MAP1LC3C: variants seen among roughly 807,000 people sequenced by gnomAD.
MAP1LC3C encodes microtubule associated protein 1 light chain 3 gamma, also known as microtubule-associated protein 1 light chain 3 gamma.
In MAP1LC3C, 12 loss-of-function variants were observed where a neutral mutation model predicts 10.4. That is an observed-to-expected ratio of 1.15 (90% CI 0.74 to 1.86). The LOEUF (loss-of-function observed/expected upper bound fraction) is 1.86, where lower values mean the gene tolerates loss of function less well. MAP1LC3C is among the 40% of genes most tolerant of loss of function. The probability of loss-of-function intolerance (pLI) is 0.00; values close to 1 mark genes in which losing one functional copy is unlikely to be tolerated. For missense variants in MAP1LC3C, 177 were observed against 185.7 expected (o/e 0.95, Z 0.27); for synonymous variants, 70 against 69.0 (o/e 1.01, Z -0.07).
rs777238205 is a variant in MAP1LC3C, at chr1:241,999,033, TA to T, written c.-26del. ...TTGCACTCAGTAGCTGTGTCTGTTT[TA>T]AAAAAGAAAAAAAAACTGTCCCGCA... On this transcript the variant is annotated 5_prime_UTR_variant, in exon 1 of 4. Coordinates refer to ENST00000357246, the MANE Select transcript of MAP1LC3C (RefSeq NM_001004343.3). The T allele has an allele frequency of 6.3e-7, 1 of 1,583,356 alleles. No homozygotes were observed. The highest frequency in any genetic ancestry group is 8.5e-7 in the Non-Finnish European group (1 of 1,172,210).
upstream of MAP1LC3C, among the ~76,000 whole-genome samples, chr1:242,000,605 A>G (rs1170710174): frequency 3.3e-5 from 5 of 152,128 alleles, no homozygotes; most frequent in Non-Finnish European, 1.5e-5. Context: ...GGTTTCATTA[A>G]TTGGCTAGAA....
intron 3 of MAP1LC3C, among the ~76,000 whole-genome samples, chr1:241,997,187 C>G (rs1437893155): frequency 6.6e-6 from 1 of 152,076 alleles, no homozygotes; most frequent in Non-Finnish European, 1.5e-5. Context: ...GTGTGAGCCA[C>G]TGCGCCTGGC....
At position 241,996,472 on chromosome 1, in the gene MAP1LC3C, G is replaced by C. The variant is rs192809835; in HGVS notation, c.222-87C>G. 7 of 1,093,092 alleles carry C rather than the reference G, an allele frequency of 6.4e-6. No individual in the cohort carries two copies. In the East Asian group the frequency reaches 1.7e-4, roughly 27 times the overall value. The allele number at this position is 1,093,092 out of a possible 1,614,324, so 67.7% of individuals were successfully genotyped here. ...TCATGACACTCAAGAAGACTGAATT[G>C]CTCCCTTCTTCTTCCCTGAGATTTA... On this transcript the variant is annotated intron_variant, in intron 3 of 3. Coordinates refer to ENST00000357246, the MANE Select transcript of MAP1LC3C (RefSeq NM_001004343.3).
Position 241,995,942 on chromosome 1 carries a change from A to G in MAP1LC3C, c.*221T>C, listed in dbSNP as rs1665075092. 1 of 450,214 alleles carries G rather than the reference A, an allele frequency of 2.2e-6. No individual in the cohort carries two copies. The highest frequency in any genetic ancestry group is 4.0e-6 in the Non-Finnish European group (1 of 252,340). The allele number at this position is 450,214 out of a possible 1,614,324, so 27.9% of individuals were successfully genotyped here. ...TCAAAAAAAAAAAAATGATAATTAT[A>G]TAACTTTCAAGAGCAGCCCACATTT... On this transcript the variant is annotated 3_prime_UTR_variant, in exon 4 of 4. Coordinates refer to ENST00000357246, the MANE Select transcript of MAP1LC3C (RefSeq NM_001004343.3).
intron 3 of MAP1LC3C, among the ~76,000 whole-genome samples, chr1:241,998,176 C>A (rs1294372303): frequency 6.6e-6 from 1 of 151,950 alleles, no homozygotes; most frequent in Admixed American, 6.6e-5. Context: ...GCACCCGCCA[C>A]CACGCCTAGC....
chr1:241,998,538 A>G lies in MAP1LC3C; in HGVS notation c.197T>C (p.Met66Thr). ...CCGGATGATGCTGAGGAACTGGGTC[A>G]TGGTCAGCTCCTGCGGGACCAGGAA... ...TKFLVPQELT[M>T]TQFLSIIRSR... Residue 66 changes from methionine (M) to threonine (T), a missense_variant, in exon 3 of 4, where the codon ATG (methionine) becomes ACG (threonine). Transcript: ENST00000357246. The G allele has an allele frequency of 6.2e-7, 1 of 1,614,052 alleles. No homozygotes were observed. The highest frequency in any genetic ancestry group is 8.5e-7 in the Non-Finnish European group (1 of 1,179,996).
rs977768782 is a variant in MAP1LC3C at position 241,998,603 on chromosome 1, G to T, written c.132C>A (p.Tyr44Ter). 2.5e-6 allele frequency: 4 copies of T among 1,611,698 alleles called. No homozygotes were observed. In the Middle Eastern group the frequency reaches 5.0e-4, roughly 200 times the overall value. ...PNKIPVVVER[Y>*]PRETFLPPLD... ...GCGGGGGCAGGAACGTCTCCCTGGG[G>T]TAGCGCTCCACTACCACCTGTCAAG... The change falls in exon 3 of 4, where the codon TAC becomes TAA. Residue 44 changes from tyrosine to a stop codon, truncating the protein, a stop_gained. Transcript: ENST00000357246. LOFTEE classifies it high-confidence loss of function.
Position 241,999,097 on chromosome 1 carries a change from C to G in MAP1LC3C, c.-89G>C. ...ACTCATTCCTCCAGCTGCTTCCAAACTGCCTGCAGGAGCCTGAAGGAGGCC... is the reference window on the plus strand; with the variant it reads ...ACTCATTCCTCCAGCTGCTTCCAAAGTGCCTGCAGGAGCCTGAAGGAGGCC... On this transcript the variant is annotated 5_prime_UTR_variant, in exon 1 of 4. Coordinates refer to ENST00000357246, the MANE Select transcript of MAP1LC3C (RefSeq NM_001004343.3). The G allele has an allele frequency of 6.6e-7, 1 of 1,516,626 alleles. No homozygotes were observed. The highest frequency in any genetic ancestry group is 8.7e-7 in the Non-Finnish European group (1 of 1,144,582). The allele number at this position is 1,516,626 out of a possible 1,614,324, so 93.9% of individuals were successfully genotyped here. A position where few individuals can be genotyped will look rare whatever the true frequency, so the allele number is the denominator to read the frequency against.
rs58237405 is a variant in MAP1LC3C, at chr1:241,998,021, C to CTTTT, written c.221+489_221+492dup. On this transcript the variant is annotated intron_variant, in intron 3 of 3. Coordinates refer to ENST00000357246, the MANE Select transcript of MAP1LC3C (RefSeq NM_001004343.3). Reference sequence around the variant, plus strand: ...CTTACCTGTTTAAAATAGAGTAATTCTTTTTTTTTTTTTTTTTTTTTTGAG... The same window carrying CTTTT: ...CTTACCTGTTTAAAATAGAGTAATTCTTTTTTTTTTTTTTTTTTTTTTTTTTGAG... 4.8e-4 allele frequency among the ~76,000 whole-genome samples: 46 copies of CTTTT among 95,414 alleles called. 1 individual carries two copies. Among genetic ancestry groups the CTTTT allele is most frequent in the African/African-American group, 1.8e-3 (43 of 23,990 alleles). The allele number at this position is 95,414 out of a possible 152,430, so 62.6% of individuals were successfully genotyped here. A position where few individuals can be genotyped will look rare whatever the true frequency, so the allele number is the denominator to read the frequency against.
rs763629571 is a variant in MAP1LC3C, at chr1:241,996,163, C to T, written c.444G>A (p.Ter148=). 1.2e-6 allele frequency: 2 copies of T among 1,612,882 alleles called. No individual in the cohort carries two copies. The highest frequency in any genetic ancestry group is 3.3e-5 in the Admixed American group (2 of 59,954). Residue 148 remains the stop codon, a stop_retained_variant, in exon 4 of 4, where the codon TAG becomes TAA. Coordinates refer to ENST00000357246, the MANE Select transcript of MAP1LC3C (RefSeq NM_001004343.3). ...GAGCACACATCCTTCCCGACATGGG[C>T]TAGAGAGGATTGCAGGGTCTGTCCT... ...SLEDRPCNPL[*] is the part of the protein sequence containing the mutation.
chr1:241,995,930 AAT>A lies in MAP1LC3C; in HGVS notation c.*231_*232del, dbSNP rs1491478278. On this transcript the variant is annotated 3_prime_UTR_variant, in exon 4 of 4. Coordinates refer to ENST00000357246, the MANE Select transcript of MAP1LC3C (RefSeq NM_001004343.3). ...CAAGACCCTGTTTCAAAAAAAAAAA[AAT>A]GATAATTATATAACTTTCAAGAGCA... 7.3e-6 allele frequency: 3 copies of A among 411,188 alleles called. No individual in the cohort carries two copies. Among genetic ancestry groups the A allele is most frequent in the Non-Finnish European group, 1.3e-5 (3 of 229,078 alleles). 25.5% of individuals were successfully genotyped at this position (411,188 alleles called of 1,614,324 possible). A position where few individuals can be genotyped will look rare whatever the true frequency, so the allele number is the denominator to read the frequency against.
At chr1:241,999,202 A>G (rs1665149819), upstream of MAP1LC3C, 4 of 1,132,742 alleles carry the variant, frequency 3.5e-6, no homozygotes, top group South Asian at 2.1e-5. Context: ...GCAGGAGGTC[A>G]GTTCTGATGG....
intron 3 of MAP1LC3C, 23 bp downstream of exon 3, chr1:241,998,491 G>C (rs759953523): frequency 6.2e-7 from 1 of 1,607,606 alleles, no homozygotes; most frequent in Non-Finnish European, 8.5e-7. Flanking sequence ...ACCTTCCTCC[G>C]GGGCACGCTC....
intron 2 of MAP1LC3C, 73 bp downstream of exon 2, chr1:241,998,703 C>G (rs1665137514): frequency 6.2e-7 from 1 of 1,610,144 alleles, no homozygotes; most frequent in East Asian, 2.2e-5. Flanking sequence ...CTGTTGGCTG[C>G]TCTTGGTTTT....
At position 241,996,317 on chromosome 1, in the gene MAP1LC3C, A is replaced by T. The variant is rs767966548; in HGVS notation, c.290T>A (p.Met97Lys). The T allele has an allele frequency of 6.2e-6, 10 of 1,613,804 alleles. No individual in the cohort carries two copies. The highest frequency in any genetic ancestry group is 1.6e-4 in the Middle Eastern group (1 of 6,062). The change falls in exon 4 of 4, where the codon ATG (methionine) becomes AAG (lysine). Residue 97 changes from methionine (M) to lysine (K), a missense_variant. Met to Lys is a moderately conservative substitution (Grantham distance 95). Coordinates refer to ENST00000357246, the MANE Select transcript of MAP1LC3C (RefSeq NM_001004343.3). ...GTAGATCTCTGCCATGGTTGCGCTC[A>T]TGCTGACCAGGCTCTTGTTGTTCAC... is the stretch of plus-strand genomic sequence containing the variant. The part of the protein sequence containing the change: ...LLVNNKSLVS[M>K]SATMAEIYRD...
Position 241,998,503 on chromosome 1 carries a change from G to A in MAP1LC3C, c.221+11C>T. On this transcript the variant is annotated intron_variant, in intron 3 of 3. Transcript: ENST00000357246. The stretch of plus-strand genomic sequence containing the variant: ...CGCACCTTCCTCCGGGGCACGCTCT[G>A]CGCCACCTACCGGATGATGCTGAGG... 1 of 1,613,134 alleles carries A rather than the reference G, an allele frequency of 6.2e-7. No homozygotes were observed.
Position 241,996,353 on chromosome 1 carries a change from A to G in MAP1LC3C, c.254T>C (p.Phe85Ser). 3 of 1,614,046 alleles carry G rather than the reference A, an allele frequency of 1.9e-6. No individual in the cohort carries two copies. Among genetic ancestry groups the G allele is most frequent in the Non-Finnish European group, 2.5e-6 (3 of 1,180,002 alleles). Reference sequence around the variant, plus strand: ...GCTCTTGTTGTTCACCAGCAAGTAAAAGGCTTCCGTGGCTCTCAGGACCAT... The same window carrying G: ...GCTCTTGTTGTTCACCAGCAAGTAAGAGGCTTCCGTGGCTCTCAGGACCAT... ...SRMVLRATEA[F>S]YLLVNNKSLV... Residue 85 changes from phenylalanine (F) to serine (S), a missense_variant, in exon 4 of 4, where the codon TTT becomes TCT. Coordinates refer to ENST00000357246, the MANE Select transcript of MAP1LC3C (RefSeq NM_001004343.3).
intron 3 of MAP1LC3C, among the ~76,000 whole-genome samples, chr1:241,996,931 G>GA (rs1409365500): frequency 1.7e-5 from 1 of 59,630 alleles, no homozygotes; most frequent in Non-Finnish European, 3.7e-5. Context: ...AAAAAGAAAA[G>GA]AAATTAAAGC....
In MAP1LC3C at chr1:241,998,569, T is replaced by C. The variant is rs778656107; in HGVS notation, c.166A>G (p.Thr56Ala). Reference protein sequence around the residue: ...RETFLPPLDKTKFLVPQELTM... With the variant: ...RETFLPPLDKAKFLVPQELTM... Reference sequence around the variant, plus strand: ...AGCTCCTGCGGGACCAGGAACTTGGTTTTGTCCAGCGGGGGCAGGAACGTC... The same window carrying C: ...AGCTCCTGCGGGACCAGGAACTTGGCTTTGTCCAGCGGGGGCAGGAACGTC... Residue 56 changes from threonine (T) to alanine (A), a missense_variant, in exon 3 of 4, where the codon ACC (threonine) becomes GCC (alanine). By Grantham distance (58) the Thr-to-Ala change is moderately conservative. Coordinates refer to ENST00000357246, the MANE Select transcript of MAP1LC3C (RefSeq NM_001004343.3). The C allele has an allele frequency of 1.2e-6, 2 of 1,613,352 alleles. No homozygotes were observed. Among genetic ancestry groups the C allele is most frequent in the Non-Finnish European group, 1.7e-6 (2 of 1,179,898 alleles).
Sources: allele counts gnomAD v4.1 joint callset (sites outside exome capture counted in the v4.1 genomes callset), GRCh38; gene constraint gnomAD v4.1.1; transcripts MANE v1.5; gene names NCBI Gene and HGNC (gene_info 2026-07-23, HGNC 2026-07-21).